The following KLHL4 variants were observed in gnomAD, a reference collection of about 807,000 sequenced individuals.
The protein encoded by KLHL4 is kelch like family member 4, also known as kelch-like protein 4.
A neutral mutation model predicts 45.8 loss-of-function variants in KLHL4; 17 were observed. The observed-to-expected ratio is 0.37, with a 90% confidence interval of 0.25 to 0.56. KLHL4 has a LOEUF of 0.56. Ranked by LOEUF, KLHL4 falls within the 20% of genes least tolerant of loss-of-function variation. The pLI is 0.79. For missense variants in KLHL4, 544 were observed against 544.9 expected (o/e 1.00, Z 0.02); for synonymous variants, 224 against 189.9 (o/e 1.18, Z -1.47).
chrX:87,528,731 A>AAAAAAAAAAC (rs1931174295), intron 1 of KLHL4, among the ~76,000 whole-genome samples: 1 of 99,825 alleles, frequency 1.0e-5, no homozygotes, highest in Non-Finnish European at 2.0e-5. Context: ...AAAAAAAAAA[A>AAAAAAAAAAC]AAAAAAGAGT....
chrX:87,551,732 A>T (rs750455943), intron 1 of KLHL4, among the ~76,000 whole-genome samples: 4 of 111,732 alleles, frequency 3.6e-5, no homozygotes, highest in Non-Finnish European at 7.5e-5. Context: ...AGAAGAGAGA[A>T]CCCAGAAATA....
At chrX:87,534,013 G>A (rs1038385691) in intron 1 of KLHL4, among the ~76,000 whole-genome samples, 12 of 111,641 alleles carry the variant, frequency 1.1e-4, no homozygotes, top group African/African-American at 3.9e-4. Flanking sequence ...GGAAATAGGA[G>A]TCTGTGATAA....
chrX:87,537,240 G>A (rs1453141506), intron 1 of KLHL4, among the ~76,000 whole-genome samples: 1 of 111,172 alleles, frequency 9.0e-6, no homozygotes, highest in Non-Finnish European at 1.9e-5. Context: ...TAGTTAATAT[G>A]TGGAAACCAA....
At chrX:87,631,131 C>A (rs1374522633) in intron 6 of KLHL4, among the ~76,000 whole-genome samples, 1 of 111,441 alleles carries the variant, frequency 9.0e-6, no homozygotes, top group African/African-American at 3.3e-5. Context: ...AGCCCCCACA[C>A]CAATCTTTTA....
intron 4 of KLHL4, 38 bp from the exon 5 acceptor site, chrX:87,622,172 TA>T: frequency 1.0e-6 from 1 of 978,131 alleles, no homozygotes; most frequent in Non-Finnish European, 1.4e-6. Flanking sequence ...AAGAAATTTC[TA>T]AAGTGCAAAG....
chrX:87,579,176 A>C (rs7062278), intron 1 of KLHL4, among the ~76,000 whole-genome samples: 2,413 of 110,832 alleles, frequency 0.022, 68 homozygotes, highest in African/African-American at 0.075. Context: ...TATGGTACAA[A>C]AGGAAGACAC....
chrX:87,571,792 C>T (rs1228612374), intron 1 of KLHL4, among the ~76,000 whole-genome samples: 1 of 110,858 alleles, frequency 9.0e-6, no homozygotes. Flanking sequence ...GATATAGAGA[C>T]ATTTTTCTCA....
chrX:87,618,644 G>A (rs1243162112), intron 4 of KLHL4, among the ~76,000 whole-genome samples: 2 of 110,935 alleles, frequency 1.8e-5, no homozygotes, highest in Non-Finnish European at 3.8e-5. Context: ...GGGACTACAG[G>A]CGCCCGCCAC....
chrX:87,552,709 AT>A (rs1334343070), intron 1 of KLHL4, among the ~76,000 whole-genome samples: 3 of 68,434 alleles, frequency 4.4e-5, no homozygotes, highest in Admixed American at 2.6e-4. Context: ...ATATATATAT[AT>A]ATAACATGGC....
intron 9 of KLHL4, among the ~76,000 whole-genome samples, chrX:87,655,587 A>C (rs776738630): frequency 4.5e-5 from 5 of 111,374 alleles, no homozygotes; most frequent in Admixed American, 1.9e-4. Context: ...CTTTATCAAT[A>C]AGGTGAGTTT....
intron 1 of KLHL4, among the ~76,000 whole-genome samples, chrX:87,553,334 T>A (rs186015016): frequency 9.0e-6 from 1 of 110,962 alleles, no homozygotes; most frequent in Non-Finnish European, 1.9e-5. Flanking sequence ...TATCAATCAA[T>A]AATTAGTTAA....
intron 1 of KLHL4, among the ~76,000 whole-genome samples, chrX:87,589,449 C>T (rs1003314917): frequency 8.9e-6 from 1 of 112,061 alleles, no homozygotes. Flanking sequence ...AAATTTGGTA[C>T]TTATACACAA....
chrX:87,532,933 G>A (rs183580182), intron 1 of KLHL4, among the ~76,000 whole-genome samples: 57 of 109,451 alleles, frequency 5.2e-4, no homozygotes, highest in African/African-American at 1.5e-3. Flanking sequence ...CATTTATGCC[G>A]CCAAAAAACA....
chrX:87,579,861 T>C (rs1184068999), intron 1 of KLHL4, among the ~76,000 whole-genome samples: 1 of 112,226 alleles, frequency 8.9e-6, no homozygotes, highest in African/African-American at 3.2e-5. Context: ...TGTAGGATGC[T>C]GAACATTATA....
At chrX:87,640,539 C>T (rs986647744) in intron 9 of KLHL4, among the ~76,000 whole-genome samples, 2 of 111,821 alleles carry the variant, frequency 1.8e-5, no homozygotes, top group African/African-American at 6.5e-5. Context: ...GTTTAACATC[C>T]ACAAGTCAAT....
At chrX:87,592,615 G>C (rs775155825) in intron 1 of KLHL4, among the ~76,000 whole-genome samples, 1 of 111,720 alleles carries the variant, frequency 9.0e-6, no homozygotes, top group South Asian at 3.8e-4. Context: ...CAATGATTTT[G>C]ACGTTACATG....
intron 9 of KLHL4, among the ~76,000 whole-genome samples, chrX:87,639,892 G>A (rs1178307258): frequency 1.8e-5 from 2 of 109,038 alleles, no homozygotes; most frequent in African/African-American, 6.7e-5. Flanking sequence ...ATACAAAAGA[G>A]AAAACACACA....
chrX:87,622,573 A>C (rs1339927224), intron 5 of KLHL4, 150 bp downstream of exon 5: 1 of 382,178 alleles, frequency 2.6e-6, no homozygotes, highest in Non-Finnish European at 4.4e-6. Context: ...ATATTCAGCC[A>C]TCAATTAGAG....
At chrX:87,662,916 C>A (rs1924242699) in intron 9 of KLHL4, among the ~76,000 whole-genome samples, 1 of 78,682 alleles carries the variant, frequency 1.3e-5, no homozygotes, top group Admixed American at 1.5e-4. Flanking sequence ...GGAGACAGAG[C>A]GAGACTCCGT....
Sources: gnomAD v4.1 joint callset for allele counts (sites outside exome capture counted in the v4.1 genomes callset) on GRCh38, gnomAD v4.1.1 for gene constraint, MANE v1.5 for transcripts, NCBI Gene and HGNC (gene_info 2026-07-23, HGNC 2026-07-21) for gene names.